Variants in DISP1 observed in about 807,000 individuals in gnomAD.
DISP1 encodes dispatched RND transporter family member 1.
DISP1 carries 30 observed loss-of-function variants against 37.3 expected under a neutral mutation model. That is an observed-to-expected ratio of 0.80 (90% CI 0.60 to 1.09). DISP1 has a LOEUF of 1.09. DISP1 is among the 50% of genes least tolerant of loss of function. The pLI, the probability that DISP1 is intolerant of heterozygous loss-of-function variation, is 0.00. For missense variants in DISP1, 1,598 were observed against 1,879.5 expected (o/e 0.85, Z 2.77); for synonymous variants, 634 against 690.2 (o/e 0.92, Z 1.28).
At chr1:222,830,830 A>G (rs141694245) in intron 1 of DISP1, 2 of 152,286 alleles carry the variant, frequency 1.3e-5, no homozygotes, top group Non-Finnish European at 1.5e-5. Context: ...ATTTTTGTGT[A>G]TGGTATTTGG....
chr1:222,923,310 A>C (rs370979264), intron 1 of DISP1, among the ~76,000 whole-genome samples: 1 of 152,172 alleles, frequency 6.6e-6, no homozygotes, highest in South Asian at 2.1e-4. Context: ...TGCCCAATTC[A>C]GAAGCCGTGA....
intron 1 of DISP1, among the ~76,000 whole-genome samples, chr1:222,819,834 C>T (rs1164396923): frequency 6.6e-6 from 1 of 152,048 alleles, no homozygotes; most frequent in East Asian, 1.9e-4. Context: ...AGCCACTGCG[C>T]CGAGCTAATA....
chr1:222,982,408 A>G (rs571891540), intron 3 of DISP1, among the ~76,000 whole-genome samples: 1 of 152,352 alleles, frequency 6.6e-6, no homozygotes, highest in South Asian at 2.1e-4. Flanking sequence ...GTAAATAGGA[A>G]AAAAATAATC....
intron 4 of DISP1, 86 bp downstream of exon 4, chr1:222,983,195 C>CT: frequency 4.8e-6 from 5 of 1,048,078 alleles, no homozygotes; most frequent in Non-Finnish European, 7.3e-6. Context: ...TTTTGCTGTT[C>CT]TTTTCACTTT....
rs147873401 is a variant in DISP1 at position 222,956,897 on chromosome 1, C to T, written c.509+13565C>T. Among the ~76,000 whole-genome samples, 3 of 152,134 alleles carry T rather than the reference C, an allele frequency of 2.0e-5. No homozygotes were observed. The East Asian group carries it at 5.8e-4, about 29-fold the overall frequency. ...TTAAGCATGTTTCATACAGGGCTCA[C>T]AGCAACAGTCTGGCATGAAAAGGCT... On this transcript the variant is annotated intron_variant, in intron 3 of 8. Coordinates refer to ENST00000675850, the MANE Select transcript of DISP1 (RefSeq NM_001377229.1).
chr1:222,990,213 A>C (rs531940403), intron 4 of DISP1, among the ~76,000 whole-genome samples: 1 of 152,352 alleles, frequency 6.6e-6, no homozygotes, highest in South Asian at 2.1e-4. Flanking sequence ...AGAGAAACAA[A>C]AGTTCTGAAA....
At chr1:222,990,833 A>G (rs921268228) in intron 5 of DISP1, 85 bp downstream of exon 5, 1 of 1,558,316 alleles carries the variant, frequency 6.4e-7, no homozygotes, top group Non-Finnish European at 8.8e-7. Flanking sequence ...GTTATTTAGT[A>G]ACCCATTTCT....
At chr1:222,989,556 G>A in intron 4 of DISP1, 3 of 985,400 alleles carry the variant, frequency 3.0e-6, no homozygotes, top group Non-Finnish European at 3.6e-6. Context: ...AGCGCATCTG[G>A]AAGAAAGGGC....
At chr1:222,875,398 A>G (rs1669903122) in intron 1 of DISP1, among the ~76,000 whole-genome samples, 1 of 152,164 alleles carries the variant, frequency 6.6e-6, no homozygotes, top group African/African-American at 2.4e-5. Context: ...TATTAAAGAC[A>G]TTAAACTATA....
chr1:222,833,116 T>G (rs1243766644), intron 1 of DISP1, among the ~76,000 whole-genome samples: 3 of 152,078 alleles, frequency 2.0e-5, no homozygotes, highest in Admixed American at 6.5e-5. Context: ...TTATTGCTGC[T>G]GATGTTTAAA....
At chr1:222,961,730 A>G (rs1369301629) in intron 3 of DISP1, among the ~76,000 whole-genome samples, 3 of 152,078 alleles carry the variant, frequency 2.0e-5, no homozygotes, top group Non-Finnish European at 4.4e-5. Context: ...CATCATCGCC[A>G]GGCACAGTGG....
At chr1:222,916,167 G>A (rs184912809) in intron 1 of DISP1, among the ~76,000 whole-genome samples, 23 of 152,346 alleles carry the variant, frequency 1.5e-4, no homozygotes, top group African/African-American at 5.3e-4. Flanking sequence ...AGGTGCCTCT[G>A]ATGACTGCTA....
rs182727642 is a variant in DISP1, at chr1:222,949,899, T to C, written c.509+6567T>C. Among the ~76,000 whole-genome samples, 465 of 152,264 alleles carry C rather than the reference T, an allele frequency of 3.1e-3. 3 individuals are homozygous for C. The highest frequency in any genetic ancestry group is 0.011 in the African/African-American group (449 of 41,544). ...GCCTCAGCCTCCCAAAGTGCTGGGA[T>C]TACAGGCATGAGCCACAGCGCCCAG... On this transcript the variant is annotated intron_variant, in intron 3 of 8. Coordinates refer to ENST00000675850, the MANE Select transcript of DISP1 (RefSeq NM_001377229.1).
At chr1:222,943,414 A>G in intron 3 of DISP1, 82 bp downstream of exon 3, 2 of 1,588,008 alleles carry the variant, frequency 1.3e-6, no homozygotes, top group East Asian at 4.5e-5. Context: ...TCCTGAAAGG[A>G]GAGGAGAAAA....
chr1:222,922,814 C>G (rs565973404), intron 1 of DISP1, among the ~76,000 whole-genome samples: 1 of 151,846 alleles, frequency 6.6e-6, no homozygotes, highest in Non-Finnish European at 1.5e-5. Context: ...TTTAGAATAA[C>G]AGAATTAAGA....
At chr1:222,875,872 C>G (rs1051937495) in intron 1 of DISP1, among the ~76,000 whole-genome samples, 1 of 148,412 alleles carries the variant, frequency 6.7e-6, no homozygotes, top group African/African-American at 2.5e-5. Flanking sequence ...AAAATAGCAT[C>G]AGAAAACACT....
intron 1 of DISP1, among the ~76,000 whole-genome samples, chr1:222,866,501 C>T (rs1014831700): frequency 2.1e-4 from 32 of 151,990 alleles, no homozygotes; most frequent in African/African-American, 6.5e-4. Context: ...CGTGCCACCA[C>T]GCCTAGCTAA....
chr1:222,939,391 T>C (rs1055929130), intron 2 of DISP1, among the ~76,000 whole-genome samples: 5 of 132,848 alleles, frequency 3.8e-5, no homozygotes, highest in African/African-American at 8.8e-5. Flanking sequence ...TTACTGAGGA[T>C]AAGCAGATTT....
intron 2 of DISP1, among the ~76,000 whole-genome samples, chr1:222,936,888 A>ATT (rs1558340372): frequency 5.0e-5 from 2 of 40,016 alleles, no homozygotes; most frequent in Non-Finnish European, 1.0e-4. Flanking sequence ...TGATATATAT[A>ATT]ATATATTATT....
Sources: gnomAD v4.1 joint callset for allele counts (sites outside exome capture counted in the v4.1 genomes callset) on GRCh38, gnomAD v4.1.1 for gene constraint, MANE v1.5 for transcripts, NCBI Gene and HGNC (gene_info 2026-07-23, HGNC 2026-07-21) for gene names.